Variants in AKAP17A observed in about 807,000 individuals in gnomAD.
AKAP17A encodes the protein A-kinase anchor protein 17A.
In AKAP17A, 15 loss-of-function variants were observed where a neutral mutation model predicts 52.2. The observed-to-expected ratio is 0.29, with a 90% CI of 0.19 to 0.44. The LOEUF is 0.44. AKAP17A is among the 20% of genes least tolerant of loss of function. AKAP17A has a pLI of 1.00. For missense variants in AKAP17A, 1,060 were observed against 1,007.0 expected (o/e 1.05, Z -0.71); for synonymous variants, 514 against 424.7 (o/e 1.21, Z -2.58).
Position 1,599,392 on chromosome X carries a change from A to C in AKAP17A, c.1112A>C (p.Gln371Pro). Residue 371 changes from glutamine to proline, a missense_variant, in exon 4 of 5, where the codon CAG becomes CCG. Around this residue, in one of 2 missense-constraint regions of AKAP17A, gnomAD observed 793 missense variants for 629.9 expected, o/e 1.26. Transcript: ENST00000313871. The stretch of plus-strand genomic sequence containing the variant: ...CTGCTGCTGGCCCAGAGGAACCTGC[A>C]GTCCATCCGGCTCATCGCCGAGCTG... ...RKLLLAQRNLQSIRLIAELLS... is the reference protein window; with the variant it reads ...RKLLLAQRNLPSIRLIAELLS... The C allele has an allele frequency of 6.3e-7, 1 of 1,576,616 alleles. No individual in the cohort carries two copies. The highest frequency in any genetic ancestry group is 2.3e-5 in the East Asian group (1 of 43,008).
chrX:1,596,086 A>G (rs1177195822), intron 3 of AKAP17A, among the ~76,000 whole-genome samples: 1 of 152,136 alleles, frequency 6.6e-6, no homozygotes, highest in Non-Finnish European at 1.5e-5. Flanking sequence ...CCTTGCCCGA[A>G]GAGCCACCTC....
Position 1,593,432 on chromosome X carries a change from CT to C in AKAP17A, c.-19-10del. The C allele has an allele frequency of 6.3e-7, 1 of 1,596,014 alleles. No individual in the cohort carries two copies. Among genetic ancestry groups the C allele is most frequent in the Non-Finnish European group, 8.6e-7 (1 of 1,168,952 alleles). The stretch of plus-strand genomic sequence containing the variant: ...GGGTGCTGGTGCTGACTGTCTGCGT[CT>C]TATGTTTCAGGCCCAAGGTCCCGGA... On this transcript the variant is annotated splice_polypyrimidine_tract_variant and intron_variant, in intron 1 of 4. Coordinates refer to ENST00000313871, the MANE Select transcript of AKAP17A (RefSeq NM_005088.3).
intron 3 of AKAP17A, among the ~76,000 whole-genome samples, chrX:1,596,073 G>A (rs776795836): frequency 1.3e-5 from 2 of 152,042 alleles, no homozygotes; most frequent in East Asian, 1.9e-4. Context: ...TCCCAGGACC[G>A]CGCCTTGCCC....
intron 3 of AKAP17A, among the ~76,000 whole-genome samples, chrX:1,598,132 C>G (rs1312520457): frequency 6.6e-6 from 1 of 152,210 alleles, no homozygotes; most frequent in Non-Finnish European, 1.5e-5. Flanking sequence ...GCTGTGGGTC[C>G]CGCCTAAGGG....
intron 2 of AKAP17A, 101 bp downstream of exon 2, chrX:1,594,325 G>C: frequency 1.5e-6 from 2 of 1,365,824 alleles, no homozygotes; most frequent in Non-Finnish European, 1.9e-6. Context: ...TGAGGCTGTG[G>C]GGACCTCCCC....
intron 2 of AKAP17A, among the ~76,000 whole-genome samples, chrX:1,594,779 T>G (rs1932909924): frequency 6.6e-6 from 1 of 152,002 alleles, no homozygotes; most frequent in African/African-American, 2.4e-5. Context: ...CCATCACACC[T>G]GGCTAATTTT....
chrX:1,592,741 AGT>A (rs1193396565), intron 1 of AKAP17A, among the ~76,000 whole-genome samples: 2 of 152,144 alleles, frequency 1.3e-5, no homozygotes, highest in Non-Finnish European at 2.9e-5. Context: ...GCCGTCAGGA[AGT>A]GGCTGCCCGT....
chrX:1,593,337 G>A (rs1932871595), intron 1 of AKAP17A, 107 bp from the exon 2 acceptor site: 1 of 1,088,868 alleles, frequency 9.2e-7, no homozygotes, highest in Non-Finnish European at 1.3e-6. Context: ...GAGAGACACT[G>A]CTGTTTCTCT....
In AKAP17A at chrX:1,601,646, G is replaced by A. The variant is rs1229857564; in HGVS notation, c.*52G>A. The A allele has an allele frequency of 8.0e-6, 11 of 1,367,238 alleles. No individual in the cohort carries two copies. The highest frequency in any genetic ancestry group is 2.7e-4 in the Middle Eastern group (1 of 3,690). The allele number at this position is 1,367,238 out of a possible 1,614,324, so 84.7% of individuals were successfully genotyped here. A position where few individuals can be genotyped will look rare whatever the true frequency, so the allele number is the denominator to read the frequency against. ...GTCCGGGAAAGACCAGGACCTGCTCGAGCCTCCTGGCCGCTCCTTGGCCGC... is the reference window on the plus strand; with the variant it reads ...GTCCGGGAAAGACCAGGACCTGCTCAAGCCTCCTGGCCGCTCCTTGGCCGC... On this transcript the variant is annotated 3_prime_UTR_variant, in exon 5 of 5. Transcript: ENST00000313871.
In AKAP17A at chrX:1,600,811, C is replaced by T. The variant is rs762607911; in HGVS notation, c.1305C>T (p.Arg435=). Residue 435 remains arginine, a synonymous_variant, in exon 5 of 5, where the codon CGC becomes CGT. Transcript: ENST00000313871. The part of the protein sequence containing the change: ...LGLQRKEREL[R]ERLLSILLSK... ...TGCAGCGGAAAGAGCGGGAGCTGCG[C>T]GAGCGGCTGCTGAGCATCCTGCTGA... 2.1e-5 allele frequency: 34 copies of T among 1,590,516 alleles called. No homozygotes were observed. Among genetic ancestry groups the T allele is most frequent in the Non-Finnish European group, 2.7e-5 (32 of 1,173,238 alleles).
Position 1,597,447 on chromosome X carries a change from G to C in AKAP17A, c.912-1745G>C, listed in dbSNP as rs868488058. 2.6e-4 allele frequency among the ~76,000 whole-genome samples: 39 copies of C among 152,294 alleles called. 1 individual carries two copies. The highest frequency in any genetic ancestry group is 6.8e-3 in the Middle Eastern group (2 of 294). On this transcript the variant is annotated intron_variant, in intron 3 of 4. Coordinates refer to ENST00000313871, the MANE Select transcript of AKAP17A (RefSeq NM_005088.3). ...ATGCTGCTGCGTCGCCATCCTGGGA[G>C]GCGGTCCCTGGGAGGGGCGGTTCGG... is the stretch of plus-strand genomic sequence containing the variant.
At position 1,601,105 on chromosome X, in the gene AKAP17A, C is replaced by G. The variant is rs747336063; in HGVS notation, c.1599C>G (p.Pro533=). 9 of 1,613,820 alleles carry G rather than the reference C, an allele frequency of 5.6e-6. No individual in the cohort carries two copies. In the East Asian group the frequency reaches 1.8e-4, roughly 32 times the overall value. ...TTCAGAGCTCCTGTCGTGTGGTCCC[C>G]GAGGATGGCTCTCCAGAGAAGAGGT... is the stretch of plus-strand genomic sequence containing the variant. The part of the protein sequence containing the change: ...KEVQSSCRVV[P]EDGSPEKRCP... The change falls in exon 5 of 5, where the codon CCC becomes CCG. Residue 533 remains proline, a synonymous_variant. Coordinates refer to ENST00000313871, the MANE Select transcript of AKAP17A (RefSeq NM_005088.3).
intron 4 of AKAP17A, 66 bp downstream of exon 4, chrX:1,599,498 A>G (rs1249759260): frequency 1.7e-5 from 26 of 1,549,556 alleles, no homozygotes; most frequent in Non-Finnish European, 2.3e-5. Context: ...CTCCCCTGAA[A>G]TGCGGGCGGC....
At chrX:1,594,456 GAC>G (rs1932901513) in intron 2 of AKAP17A, among the ~76,000 whole-genome samples, 1 of 152,150 alleles carries the variant, frequency 6.6e-6, no homozygotes, top group Non-Finnish European at 1.5e-5. Context: ...ATGTGGGGGA[GAC>G]ACAGGTCATA....
rs370077532 is a variant in AKAP17A, at chrX:1,601,444, C to T, written c.1938C>T (p.Ser646=). Residue 646 remains serine (S), a synonymous_variant, in exon 5 of 5, where the codon TCC becomes TCT. Transcript: ENST00000313871. ...GCACGAGCCCGGACCACACCCGGTC[C>T]CGGAGGTCCCACAGCAAAGACAGGC... ...RRSTSPDHTR[S]RRSHSKDRHR... The T allele has an allele frequency of 1.3e-5, 21 of 1,572,700 alleles. No individual in the cohort carries two copies. Among genetic ancestry groups the T allele is most frequent in the Non-Finnish European group, 1.8e-5 (21 of 1,167,028 alleles).
intron 3 of AKAP17A, among the ~76,000 whole-genome samples, chrX:1,598,128 G>C (rs28535368): frequency 7.2e-5 from 11 of 152,128 alleles, no homozygotes; most frequent in African/African-American, 2.7e-4. Flanking sequence ...CGTCGCTGTG[G>C]GTCCCGCCTA....
chrX:1,598,549 G>A (rs1332718965), intron 3 of AKAP17A, among the ~76,000 whole-genome samples: 7 of 152,130 alleles, frequency 4.6e-5, no homozygotes, highest in South Asian at 2.1e-4. Flanking sequence ...TGAGAGCTGC[G>A]GGGCGGGGGA....
chrX:1,591,640 C>G lies in AKAP17A; in HGVS notation c.-149C>G, dbSNP rs1231225107. ...CGGGCGGCGACGGCGGTGGCGGCGT[C>G]GGAGGCGCCTCCGGGGGACGGTGGC... On this transcript the variant is annotated 5_prime_UTR_variant, in exon 1 of 5. Coordinates refer to ENST00000313871, the MANE Select transcript of AKAP17A (RefSeq NM_005088.3). 4.6e-5 allele frequency: 7 copies of G among 151,972 alleles called. No homozygotes were observed. The highest frequency in any genetic ancestry group is 3.3e-4 in the Admixed American group (5 of 15,232). The allele number at this position is 151,972 out of a possible 1,614,324, so 9.4% of individuals were successfully genotyped here. A position where few individuals can be genotyped will look rare whatever the true frequency, so the allele number is the denominator to read the frequency against.
At chrX:1,599,984 G>A (rs1467848644) in intron 4 of AKAP17A, 22 of 466,610 alleles carry the variant, frequency 4.7e-5, no homozygotes, top group Admixed American at 2.6e-4. Flanking sequence ...TCCTGCAGGC[G>A]CGACTGGTAA....
Sources: allele counts gnomAD v4.1 joint callset (sites outside exome capture counted in the v4.1 genomes callset), GRCh38; gene constraint gnomAD v4.1.1; regional missense constraint gnomAD v4.1.1; transcripts MANE v1.5; gene names NCBI Gene and HGNC (gene_info 2026-07-23, HGNC 2026-07-21).